Variants in MDGA2 observed in about 807,000 individuals in gnomAD.
MDGA2 encodes the protein MAM domain containing glycosylphosphatidylinositol anchor 2.
A neutral mutation model predicts 117.8 loss-of-function variants in MDGA2; 40 were observed. The observed-to-expected ratio is 0.34, with a 90% CI of 0.26 to 0.44. The LOEUF (loss-of-function observed/expected upper bound fraction) is 0.44. MDGA2 is among the 20% of genes least tolerant of loss of function. MDGA2 has a pLI of 1.00. For missense variants in MDGA2, 1,123 were observed against 1,250.6 expected, an observed-to-expected ratio of 0.90 and a Z score of 1.54; for synonymous variants, 452 against 439.0, an observed-to-expected ratio of 1.03 and a Z score of -0.37.
chr14:47,641,729 A>G (rs1380978521), intron 1 of MDGA2, among the ~76,000 whole-genome samples: 1 of 152,144 alleles, frequency 6.6e-6, no homozygotes, highest in Non-Finnish European at 1.5e-5. Context: ...ACACAATTTG[A>G]TATTAAATAA....
chr14:47,241,985 A>G (rs1887057186), intron 2 of MDGA2, among the ~76,000 whole-genome samples: 1 of 151,852 alleles, frequency 6.6e-6, no homozygotes, highest in Admixed American at 6.6e-5. Context: ...GCCATTGTGA[A>G]GAAAAAATGA....
chr14:46,962,987 T>C (rs1453239366), intron 8 of MDGA2, among the ~76,000 whole-genome samples: 1 of 152,182 alleles, frequency 6.6e-6, no homozygotes, highest in African/African-American at 2.4e-5. Context: ...AAGTACCAAA[T>C]GCTATCAAAA....
chr14:47,224,314 G>GATATAGATATAGAT (rs1483909434), intron 2 of MDGA2, among the ~76,000 whole-genome samples: 3 of 151,978 alleles, frequency 2.0e-5, no homozygotes, highest in African/African-American at 7.3e-5. Context: ...TATAGATATA[G>GATATAGATATAGAT]ATATAGATAT....
Position 47,408,054 on chromosome 14 carries a change from T to TCC in MDGA2, c.281-106505_281-106504insGG, listed in dbSNP as rs1338128691. 5.6e-5 allele frequency among the ~76,000 whole-genome samples: 7 copies of TCC among 125,404 alleles called. No homozygotes were observed. In the East Asian group the frequency reaches 1.7e-3, roughly 30 times the overall value. 82.3% of individuals were successfully genotyped at this position (125,404 alleles called of 152,430 possible). ...TGTGAGCCTTAAAATAGGGAGATTA[T>TCC]TCTTTTTTTTTTTTTTTTTTTTGGT... On this transcript the variant is annotated intron_variant, in intron 1 of 16. Transcript: ENST00000399232.
rs373865509 is a variant in MDGA2 at position 47,441,918 on chromosome 14, G to A, written c.281-140368C>T. Among the ~76,000 whole-genome samples the A allele has an allele frequency of 8.4e-4, 128 of 152,256 alleles. 1 individual carries two copies. Among genetic ancestry groups the A allele is most frequent in the African/African-American group, 2.8e-3 (117 of 41,560 alleles). On this transcript the variant is annotated intron_variant, in intron 1 of 16. Coordinates refer to ENST00000399232, the MANE Select transcript of MDGA2 (RefSeq NM_001113498.3). ...TCAGTGTCAAATGCACACATTCTGT[G>A]CAACAGAACAAATATTTTCCTATTT...
At chr14:47,229,644 T>C (rs1566691827) in intron 2 of MDGA2, among the ~76,000 whole-genome samples, 3 of 151,864 alleles carry the variant, frequency 2.0e-5, no homozygotes, top group Admixed American at 2.0e-4. Flanking sequence ...AGAAATGCTA[T>C]ATTTTAAAAA....
At chr14:47,533,425 G>C (rs1235139329) in intron 1 of MDGA2, among the ~76,000 whole-genome samples, 1 of 152,114 alleles carries the variant, frequency 6.6e-6, no homozygotes, top group Admixed American at 6.5e-5. Flanking sequence ...TTTATTGATT[G>C]ATCAACAAGT....
At chr14:47,195,388 C>T (rs1885253024) in intron 3 of MDGA2, among the ~76,000 whole-genome samples, 2 of 151,972 alleles carry the variant, frequency 1.3e-5, no homozygotes, top group East Asian at 1.9e-4. Context: ...TTGAAAATAC[C>T]TTTTATTAAA....
At chr14:47,265,098 C>G (rs1373170167) in intron 2 of MDGA2, among the ~76,000 whole-genome samples, 3 of 152,112 alleles carry the variant, frequency 2.0e-5, no homozygotes, top group Non-Finnish European at 4.4e-5. Context: ...ATGAAATATT[C>G]TCAACAGGGC....
chr14:47,462,761 AC>A (rs1445481931), intron 1 of MDGA2, among the ~76,000 whole-genome samples: 9 of 152,212 alleles, frequency 5.9e-5, no homozygotes, highest in African/African-American at 1.9e-4. Context: ...GCATAAAAAA[AC>A]AAATGACTAA....
chr14:47,373,913 T>C (rs1231956176), intron 1 of MDGA2, among the ~76,000 whole-genome samples: 2 of 152,182 alleles, frequency 1.3e-5, no homozygotes, highest in Non-Finnish European at 2.9e-5. Flanking sequence ...TTAAATATTA[T>C]ACTCATTAAC....
rs148431446 is a variant in MDGA2 at position 47,611,728 on chromosome 14, C to T, written c.280+62789G>A. On this transcript the variant is annotated intron_variant, in intron 1 of 16. Transcript: ENST00000399232. ...CAGTAGGCATTCAGTTCTGATGTTA[C>T]GTTTGAGATGTTCCCAATCTTAAGT... is the stretch of plus-strand genomic sequence containing the variant. 6.4e-3 allele frequency among the ~76,000 whole-genome samples: 971 copies of T among 152,172 alleles called. 46 individuals are homozygous for T. The highest frequency in any genetic ancestry group is 0.058 in the Admixed American group (880 of 15,276).
intron 9 of MDGA2, among the ~76,000 whole-genome samples, chr14:46,933,837 TA>T: frequency 1.3e-5 from 1 of 74,864 alleles, no homozygotes; most frequent in African/African-American, 3.6e-5. Flanking sequence ...TATATATATA[TA>T]TATATATATA....
At chr14:47,469,504 T>C (rs1172529666) in intron 1 of MDGA2, among the ~76,000 whole-genome samples, 1 of 152,196 alleles carries the variant, frequency 6.6e-6, no homozygotes, top group Non-Finnish European at 1.5e-5. Context: ...TATGGCTGCA[T>C]AGTATTCCAT....
intron 3 of MDGA2, among the ~76,000 whole-genome samples, chr14:47,155,885 C>CTTTTTTTTTTTTTTTTTTTTTTTTT (rs1883353082): frequency 1.2e-5 from 1 of 80,446 alleles, no homozygotes; most frequent in African/African-American, 4.4e-5. Context: ...TCTTCTTCTT[C>CTTTTTTTTTTTTTTTTTTTTTTTTT]TTCTTTTTTT....
chr14:47,350,559 G>C (rs1229508393), intron 1 of MDGA2, among the ~76,000 whole-genome samples: 4 of 151,766 alleles, frequency 2.6e-5, no homozygotes, highest in Non-Finnish European at 4.4e-5. Flanking sequence ...AACAGACATC[G>C]TGTGTGTGTG....
intron 2 of MDGA2, among the ~76,000 whole-genome samples, chr14:47,255,146 G>T (rs951123032): frequency 6.6e-6 from 1 of 152,116 alleles, no homozygotes; most frequent in African/African-American, 2.4e-5. Context: ...TTTTAATTTT[G>T]CAAGAAAACA....
intron 1 of MDGA2, among the ~76,000 whole-genome samples, chr14:47,559,127 A>G (rs1197283350): frequency 1.3e-5 from 2 of 152,140 alleles, no homozygotes; most frequent in Non-Finnish European, 2.9e-5. Context: ...ACACGTGCAG[A>G]TTTATTACAT....
chr14:47,584,981 C>G (rs1896298236), intron 1 of MDGA2, among the ~76,000 whole-genome samples: 1 of 151,768 alleles, frequency 6.6e-6, no homozygotes, highest in Admixed American at 6.6e-5. Flanking sequence ...TCCCACTTCC[C>G]CATTCAAGCA....
Sources: gnomAD v4.1 joint callset for allele counts (sites outside exome capture counted in the v4.1 genomes callset) on GRCh38, gnomAD v4.1.1 for gene constraint, MANE v1.5 for transcripts, NCBI Gene and HGNC (gene_info 2026-07-23, HGNC 2026-07-21) for gene names.